FNBP1L: variants seen among roughly 807,000 people sequenced by gnomAD.
FNBP1L encodes formin binding protein 1 like.
Under a neutral mutation model 91.2 loss-of-function variants are expected in FNBP1L, and 36 were observed. The ratio of observed to expected loss-of-function variants is 0.39; its 90% CI spans 0.30 to 0.52. The LOEUF (loss-of-function observed/expected upper bound fraction) is 0.52, where lower values mean the gene tolerates loss of function less well. Ranked by LOEUF, FNBP1L falls within the 20% of genes least tolerant of loss-of-function variation. The pLI is 0.66. For synonymous variants in FNBP1L, 242 were observed against 237.0 expected, an observed-to-expected ratio of 1.02 and a Z score of -0.19; for missense variants, 571 against 732.1, an observed-to-expected ratio of 0.78 and a Z score of 2.54.
At chr1:93,497,481 A>C (rs1670304561) in intron 1 of FNBP1L, among the ~76,000 whole-genome samples, 1 of 152,150 alleles carries the variant, frequency 6.6e-6, no homozygotes, top group South Asian at 2.1e-4. Flanking sequence ...TTGTTTCCCT[A>C]GCTATGGCAA....
intron 1 of FNBP1L, among the ~76,000 whole-genome samples, chr1:93,493,132 T>TA (rs1292451825): frequency 6.6e-6 from 1 of 152,068 alleles, no homozygotes; most frequent in Non-Finnish European, 1.5e-5. Context: ...GGCTTGGTGA[T>TA]ATGCGCCTAT....
chr1:93,466,056 T>G (rs1297544122), intron 1 of FNBP1L, among the ~76,000 whole-genome samples: 13 of 151,360 alleles, frequency 8.6e-5, no homozygotes, highest in Non-Finnish European at 1.6e-4. Flanking sequence ...GAGTTGTTTG[T>G]TTTTTTTTCT....
intron 2 of FNBP1L, among the ~76,000 whole-genome samples, chr1:93,516,208 C>G (rs890596159): frequency 2.6e-5 from 4 of 151,936 alleles, no homozygotes; most frequent in Admixed American, 2.0e-4. Context: ...AAAAAGTTTT[C>G]TCATCTTTTC....
chr1:93,506,408 T>G (rs1670614101), intron 2 of FNBP1L, among the ~76,000 whole-genome samples: 1 of 152,178 alleles, frequency 6.6e-6, no homozygotes, highest in South Asian at 2.1e-4. Flanking sequence ...TCCAAAGTCT[T>G]ACAACTTTCA....
At chr1:93,550,804 A>G in intron 15 of FNBP1L, 143 bp from the exon 16 acceptor site, 1 of 768,558 alleles carries the variant, frequency 1.3e-6, no homozygotes, top group South Asian at 3.2e-5. Context: ...CACAAAGCAC[A>G]ATAGAGATGT....
At chr1:93,510,122 G>C (rs1456583007) in intron 2 of FNBP1L, among the ~76,000 whole-genome samples, 1 of 152,200 alleles carries the variant, frequency 6.6e-6, no homozygotes, top group Non-Finnish European at 1.5e-5. Context: ...AGCTCAAGGA[G>C]GCCTGCCTGC....
intron 10 of FNBP1L, among the ~76,000 whole-genome samples, chr1:93,540,482 T>TAACA (rs2101767594): frequency 6.6e-6 from 1 of 152,244 alleles, no homozygotes; most frequent in Admixed American, 6.5e-5. Flanking sequence ...TAATGTGTTT[T>TAACA]AAATGTACAT....
Position 93,490,158 on chromosome 1 carries a change from C to CATA in FNBP1L, c.25-9308_25-9306dup, listed in dbSNP as rs767388239. On this transcript the variant is annotated intron_variant, in intron 1 of 16. Transcript: ENST00000271234. ...TTAAATAGTGACTTCTAAAGTGATA[C>CATA]ATAAAATAGTTTTTTTTAAATTAAA... is the stretch of plus-strand genomic sequence containing the variant. Among the ~76,000 whole-genome samples the CATA allele has an allele frequency of 8.5e-4, 49 of 57,516 alleles. 1 individual carries two copies. Among genetic ancestry groups the CATA allele is most frequent in the Non-Finnish European group, 1.3e-3 (36 of 26,832 alleles). 37.7% of individuals were successfully genotyped at this position (57,516 alleles called of 152,430 possible).
At chr1:93,540,348 G>A (rs1472515318) in intron 10 of FNBP1L, among the ~76,000 whole-genome samples, 1 of 151,956 alleles carries the variant, frequency 6.6e-6, no homozygotes, top group Non-Finnish European at 1.5e-5. Flanking sequence ...CAAGCATATG[G>A]ATTTTAAAAT....
chr1:93,540,972 T>C, intron 10 of FNBP1L, 70 bp from the exon 11 acceptor site: 1 of 1,343,924 alleles, frequency 7.4e-7, no homozygotes, highest in Non-Finnish European at 1.0e-6. Context: ...AATAGGCTAT[T>C]GCATCTTCTG....
chr1:93,551,527 G>A, intron 16 of FNBP1L: 1 of 985,966 alleles, frequency 1.0e-6, no homozygotes, highest in Non-Finnish European at 1.2e-6. Context: ...GCTATGGAAA[G>A]CCGACTCCCC....
chr1:93,499,231 G>GT (rs1670365006), intron 1 of FNBP1L, among the ~76,000 whole-genome samples: 1 of 152,074 alleles, frequency 6.6e-6, no homozygotes, highest in African/African-American at 2.4e-5. Flanking sequence ...TCAGGGGAGG[G>GT]TGTTGCAACT....
chr1:93,527,849 A>G (rs1325826332), intron 5 of FNBP1L, among the ~76,000 whole-genome samples: 1 of 152,176 alleles, frequency 6.6e-6, no homozygotes, highest in African/African-American at 2.4e-5. Flanking sequence ...TAAAATGCAA[A>G]AACAAACAAG....
In FNBP1L at chr1:93,523,442, A is replaced by G. The variant is rs1306904302; in HGVS notation, c.293A>G (p.Tyr98Cys). The change falls in exon 4 of 17, where the codon TAT becomes TGT. Residue 98 changes from tyrosine to cysteine, a missense_variant. Physicochemically the swap from Tyr to Cys is radical, Grantham distance 194. Transcript: ENST00000271234. ...GCAGAAGAAATGGCGCACAGAGTGT[A>G]TGGTGAATTAATGAGATATGCTCAT... is the stretch of plus-strand genomic sequence containing the variant. ...VVAEEMAHRV[Y>C]GELMRYAHDL... The G allele has an allele frequency of 6.2e-7, 1 of 1,610,560 alleles. No individual in the cohort carries two copies. The highest frequency in any genetic ancestry group is 8.5e-7 in the Non-Finnish European group (1 of 1,178,246).
chr1:93,534,667 A>G (rs1671787711), intron 8 of FNBP1L, 38 bp from the exon 9 acceptor site: 2 of 1,385,838 alleles, frequency 1.4e-6, no homozygotes, highest in Non-Finnish European at 2.0e-6. Context: ...AATTATGAGC[A>G]AGTGAAACAG....
intron 11 of FNBP1L, among the ~76,000 whole-genome samples, chr1:93,542,776 C>G (rs1570870495): frequency 8.0e-6 from 1 of 125,588 alleles, no homozygotes. Context: ...TTTTCTTTAC[C>G]TTTTTTTTTT....
intron 2 of FNBP1L, among the ~76,000 whole-genome samples, chr1:93,501,596 C>T (rs1301755399): frequency 6.6e-6 from 1 of 152,138 alleles, no homozygotes; most frequent in Non-Finnish European, 1.5e-5. Flanking sequence ...CCAGACACCT[C>T]CCATTAGGCC....
intron 1 of FNBP1L, among the ~76,000 whole-genome samples, chr1:93,485,151 T>TAAAA (rs34866392): frequency 1.6e-5 from 2 of 126,060 alleles, no homozygotes; most frequent in Admixed American, 1.6e-4. Context: ...ACCCTATCTC[T>TAAAA]AAAAAAAAAA....
chr1:93,459,525 A>T (rs918833243), intron 1 of FNBP1L, among the ~76,000 whole-genome samples: 1 of 152,236 alleles, frequency 6.6e-6, no homozygotes, highest in Non-Finnish European at 1.5e-5. Context: ...CCCCGATGAG[A>T]TACCACTTTA....
Sources: gnomAD v4.1 joint callset for allele counts (sites outside exome capture counted in the v4.1 genomes callset) on GRCh38, gnomAD v4.1.1 for gene constraint, MANE v1.5 for transcripts, NCBI Gene and HGNC (gene_info 2026-07-23, HGNC 2026-07-21) for gene names.